PTPN6: variants seen among roughly 807,000 people sequenced by gnomAD.
PTPN6 encodes tyrosine-protein phosphatase non-receptor type 6.
Under a neutral mutation model 81.5 loss-of-function variants are expected in PTPN6, and 18 were observed. The observed-to-expected ratio is 0.22, with a 90% CI of 0.15 to 0.33. The LOEUF is 0.33. PTPN6 is among the 10% of genes least tolerant of loss of function. PTPN6 has a pLI of 1.00. For synonymous variants in PTPN6, 301 were observed against 310.9 expected, an observed-to-expected ratio of 0.97 and a Z score of 0.33; for missense variants, 500 against 794.2, an observed-to-expected ratio of 0.63 and a Z score of 4.45.
In PTPN6 at chr12:6,960,346, G is replaced by A. The variant is rs782111333; in HGVS notation, c.1584G>A (p.Ser528=). 16 of 1,612,984 alleles carry A rather than the reference G, an allele frequency of 9.9e-6. No individual in the cohort carries two copies. Among genetic ancestry groups the A allele is most frequent in the East Asian group, 2.2e-5 (1 of 44,862 alleles). The change falls in exon 14 of 16, where the codon TCG becomes TCA. Residue 528 remains serine (S), a splice_region_variant and synonymous_variant. Transcript: ENST00000318974. The surrounding 1 kb of genome is among the most constrained non-coding windows in gnomAD (Gnocchi z 6.1). ...TCCCACTGTCCCTCTGCCCACAGTC[G>A]CAGAAGGGCCAGGAGTCGGAGTACG... The part of the protein sequence containing the change: ...TTKKKLEVLQ[S]QKGQESEYGN...
upstream of PTPN6, chr12:6,951,311 C>T (rs1050108580): frequency 2.3e-5 from 34 of 1,491,158 alleles, 1 homozygote; most frequent in South Asian, 3.5e-4. The surrounding 1 kb of genome is among the most constrained non-coding windows in gnomAD (Gnocchi z 7.2). Flanking sequence ...CCCAAGGGGT[C>T]GGCCGCGCCT....
chr12:6,947,921 G>A (rs77051657), upstream of PTPN6, among the ~76,000 whole-genome samples: 239 of 152,258 alleles, frequency 1.6e-3, 2 homozygotes, highest in African/African-American at 5.6e-3. Context: ...CAGTGTGCCC[G>A]TGGCAGAGGA....
upstream of PTPN6, among the ~76,000 whole-genome samples, chr12:6,947,832 A>G (rs1555147079): frequency 1.3e-5 from 2 of 152,112 alleles, no homozygotes; most frequent in African/African-American, 4.8e-5. Context: ...CATGTGACGT[A>G]GTGATCAAGA....
chr12:6,959,088 C>T lies in PTPN6; in HGVS notation c.1362-839C>T, dbSNP rs918285820. ...TCCTCTTCCCCCAGCAGCTGTTTGTCCTGGGACAGGGCAAGTCGGCTGAAT... is the reference window on the plus strand; with the variant it reads ...TCCTCTTCCCCCAGCAGCTGTTTGTTCTGGGACAGGGCAAGTCGGCTGAAT... On this transcript the variant is annotated intron_variant, in intron 11 of 15. Coordinates refer to ENST00000318974, the MANE Select transcript of PTPN6 (RefSeq NM_002831.6). The surrounding 1 kb of genome is among the most constrained non-coding windows in gnomAD (Gnocchi z 6.6). Among the ~76,000 whole-genome samples, 44 of 152,240 alleles carry T rather than the reference C, an allele frequency of 2.9e-4. 1 individual carries two copies. The highest frequency in any genetic ancestry group is 8.8e-5 in the Non-Finnish European group (6 of 68,044).
intron 11 of PTPN6, among the ~76,000 whole-genome samples, chr12:6,958,906 C>A (rs184341119): frequency 6.6e-6 from 1 of 152,228 alleles, no homozygotes. Context: ...GAGACCCTAT[C>A]GTTGTGGCTG....
rs1945946326 is a variant in PTPN6, at chr12:6,952,519, CTCT to C, written c.326+348_326+350del. On this transcript the variant is annotated intron_variant, in intron 3 of 15. Transcript: ENST00000318974. The surrounding 1 kb of genome is among the most constrained non-coding windows in gnomAD (Gnocchi z 8.1). ...GCAGGCCAGCTCTGTTGTTAGAAAG[CTCT>C]TCTTCCTCTGGAATCGAGCCTGCCT... 1 of 401,622 alleles carries C rather than the reference CTCT, an allele frequency of 2.5e-6. No individual in the cohort carries two copies. Among genetic ancestry groups the C allele is most frequent in the South Asian group, 2.5e-5 (1 of 40,680 alleles). The allele number at this position is 401,622 out of a possible 1,614,324, so 24.9% of individuals were successfully genotyped here.
chr12:6,952,220 C>G lies in PTPN6; in HGVS notation c.326+43C>G. On this transcript the variant is annotated intron_variant, in intron 3 of 15. Transcript: ENST00000318974. This position sits in a 1 kb window ranked among gnomAD's most constrained non-coding sequence, Gnocchi z 8.1. ...CCGCCATTCCCAAGCAGGGATGAGC[C>G]GGCTCCCACCCTGAACAGCCAGGGA... 2.5e-6 allele frequency: 4 copies of G among 1,608,322 alleles called. No homozygotes were observed. Among genetic ancestry groups the G allele is most frequent in the Non-Finnish European group, 3.4e-6 (4 of 1,176,648 alleles).
rs782537372 is a variant in PTPN6, at chr12:6,954,782, T to C, written c.327-23T>C. On this transcript the variant is annotated intron_variant, in intron 3 of 15. Coordinates refer to ENST00000318974, the MANE Select transcript of PTPN6 (RefSeq NM_002831.6). The surrounding 1 kb of genome is among the most constrained non-coding windows in gnomAD (Gnocchi z 5.4). ...CTTCCCCTGTGGCCTGGGTCTTACC[T>C]TCCCTGACGCTGCCTTCTCTAGGTG... 1 of 1,611,016 alleles carries C rather than the reference T, an allele frequency of 6.2e-7. No individual in the cohort carries two copies. The highest frequency in any genetic ancestry group is 8.5e-7 in the Non-Finnish European group (1 of 1,179,462).
Position 6,955,316 on chromosome 12 carries a change from A to G in PTPN6, c.633+49A>G. 1 of 1,610,442 alleles carries G rather than the reference A, an allele frequency of 6.2e-7. No individual in the cohort carries two copies. The highest frequency in any genetic ancestry group is 1.1e-5 in the South Asian group (1 of 90,998). Reference sequence around the variant, plus strand: ...CCCCACTTCCCCTGAGCTGTCCCCCAGATGTGAGCTTCTGGGATCTCTGAG... The same window carrying G: ...CCCCACTTCCCCTGAGCTGTCCCCCGGATGTGAGCTTCTGGGATCTCTGAG... On this transcript the variant is annotated intron_variant, in intron 5 of 15. Coordinates refer to ENST00000318974, the MANE Select transcript of PTPN6 (RefSeq NM_002831.6). This position sits in a 1 kb window ranked among gnomAD's most constrained non-coding sequence, Gnocchi z 7.2.
At position 6,955,349 on chromosome 12, in the gene PTPN6, C is replaced by T; in HGVS notation, c.634-23C>T. 1 of 1,612,830 alleles carries T rather than the reference C, an allele frequency of 6.2e-7. No homozygotes were observed. Among genetic ancestry groups the T allele is most frequent in the Non-Finnish European group, 8.5e-7 (1 of 1,178,812 alleles). ...GCTTCTGGGATCTCTGAGTTGCTGACTTCTCGCTCTTCCCCACCCCAGCCG... is the reference window on the plus strand; with the variant it reads ...GCTTCTGGGATCTCTGAGTTGCTGATTTCTCGCTCTTCCCCACCCCAGCCG... On this transcript the variant is annotated intron_variant, in intron 5 of 15. Coordinates refer to ENST00000318974, the MANE Select transcript of PTPN6 (RefSeq NM_002831.6). The surrounding 1 kb of genome is among the most constrained non-coding windows in gnomAD (Gnocchi z 7.2).
chr12:6,956,486 C>T lies in PTPN6; in HGVS notation c.992C>T (p.Thr331Met), dbSNP rs1946033659. The part of the protein sequence containing the change: ...YIASQGCLEA[T>M]VNDFWQMAWQ... ...GCCAGCCAGGGTTGTCTGGAGGCCA[C>T]GGTCAATGACTTCTGGCAGATGGCG... Residue 331 changes from threonine to methionine, a missense_variant, in exon 9 of 16, where the codon ACG (threonine) becomes ATG (methionine). By Grantham distance (81) the Thr-to-Met change is moderately conservative (BLOSUM62 -1). Coordinates refer to ENST00000318974, the MANE Select transcript of PTPN6 (RefSeq NM_002831.6). This position sits in a 1 kb window ranked among gnomAD's most constrained non-coding sequence, Gnocchi z 4.1. 2 of 1,614,066 alleles carry T rather than the reference C, an allele frequency of 1.2e-6. No individual in the cohort carries two copies. Among genetic ancestry groups the T allele is most frequent in the Non-Finnish European group, 1.7e-6 (2 of 1,180,026 alleles).
Position 6,959,575 on chromosome 12 carries a change from C to T in PTPN6, c.1362-352C>T, listed in dbSNP as rs1591692490. The T allele has an allele frequency of 2.1e-6, 1 of 482,444 alleles. No individual in the cohort carries two copies. The highest frequency in any genetic ancestry group is 3.8e-6 in the Non-Finnish European group (1 of 264,472). 29.9% of individuals were successfully genotyped at this position (482,444 alleles called of 1,614,324 possible). A position where few individuals can be genotyped will look rare whatever the true frequency, so the allele number is the denominator to read the frequency against. ...CTCCTTCAGGGAGAGGCGGGGAGGGCTCAGGGTACCTGGGAGCCGGCAGGA... is the reference window on the plus strand; with the variant it reads ...CTCCTTCAGGGAGAGGCGGGGAGGGTTCAGGGTACCTGGGAGCCGGCAGGA... On this transcript the variant is annotated intron_variant, in intron 11 of 15. Coordinates refer to ENST00000318974, the MANE Select transcript of PTPN6 (RefSeq NM_002831.6). This position sits in a 1 kb window ranked among gnomAD's most constrained non-coding sequence, Gnocchi z 6.6.
Position 6,951,787 on chromosome 12 carries a change from G to C in PTPN6, c.131+56G>C, listed in dbSNP as rs1419904955. The C allele has an allele frequency of 6.2e-7, 1 of 1,603,752 alleles. No individual in the cohort carries two copies. Among genetic ancestry groups the C allele is most frequent in the Non-Finnish European group, 8.5e-7 (1 of 1,179,776 alleles). Reference sequence around the variant, plus strand: ...TTGGCCACTCTCTTGTGCCATCCAGGCCCTGAACCACTCATTCCTGGTTCC... The same window carrying C: ...TTGGCCACTCTCTTGTGCCATCCAGCCCCTGAACCACTCATTCCTGGTTCC... On this transcript the variant is annotated intron_variant, in intron 2 of 15. Coordinates refer to ENST00000318974, the MANE Select transcript of PTPN6 (RefSeq NM_002831.6). This position sits in a 1 kb window ranked among gnomAD's most constrained non-coding sequence, Gnocchi z 7.2.
chr12:6,956,181 A>G lies in PTPN6; in HGVS notation c.884A>G (p.Asn295Ser). 6.2e-7 allele frequency: 1 copy of G among 1,614,188 alleles called. No individual in the cohort carries two copies. The highest frequency in any genetic ancestry group is 8.5e-7 in the Non-Finnish European group (1 of 1,180,024). The change falls in exon 8 of 16, where the codon AAC (asparagine) becomes AGC (serine). Residue 295 changes from asparagine to serine, a missense_variant. Around this residue, in one of 6 missense-constraint regions of PTPN6, gnomAD observed 226 missense variants for 364.4 expected, o/e 0.62. Transcript: ENST00000318974. This position sits in a 1 kb window ranked among gnomAD's most constrained non-coding sequence, Gnocchi z 4.1. ...SRVILQGRDS[N>S]IPGSDYINAN... Reference sequence around the variant, plus strand: ...GTGATCCTGCAGGGACGGGACAGTAACATCCCCGGGTCCGACTACATCAAT... The same window carrying G: ...GTGATCCTGCAGGGACGGGACAGTAGCATCCCCGGGTCCGACTACATCAAT...
Position 6,960,272 on chromosome 12 carries a change from G to GT in PTPN6, c.1581+33_1581+34insT. The GT allele has an allele frequency of 3.1e-6, 5 of 1,599,744 alleles. No individual in the cohort carries two copies. The highest frequency in any genetic ancestry group is 1.4e-5 in the African/African-American group (1 of 73,792). Reference sequence around the variant, plus strand: ...CAGAGCAGGGCCTGGGGGGGGGGGGGGCTGCAGTGCAGGATGGGTGCCACC... The same window carrying GT: ...CAGAGCAGGGCCTGGGGGGGGGGGGGTGCTGCAGTGCAGGATGGGTGCCACC... On this transcript the variant is annotated intron_variant, in intron 13 of 15. Coordinates refer to ENST00000318974, the MANE Select transcript of PTPN6 (RefSeq NM_002831.6). This position sits in a 1 kb window ranked among gnomAD's most constrained non-coding sequence, Gnocchi z 6.1.
rs1452466761 is a variant in PTPN6 at position 6,954,194 on chromosome 12, G to A, written c.327-611G>A. Among the ~76,000 whole-genome samples the A allele has an allele frequency of 2.0e-5, 3 of 152,144 alleles. No individual in the cohort carries two copies. Among genetic ancestry groups the A allele is most frequent in the African/African-American group, 7.2e-5 (3 of 41,428 alleles). ...CCTACACCACTCTTTCCCCAGTGGG[G>A]TTGTCTTCCCCGCCTCCCTGGCGGA... On this transcript the variant is annotated intron_variant, in intron 3 of 15. Transcript: ENST00000318974. The surrounding 1 kb of genome is among the most constrained non-coding windows in gnomAD (Gnocchi z 5.4).
In PTPN6 at chr12:6,957,691, A is replaced by G; in HGVS notation, c.1112A>G (p.Gln371Arg). The stretch of plus-strand genomic sequence containing the variant: ...CCATACTGGCCCGAGGTGGGCATGC[A>G]GCGTGCTTATGGGCCCTACTCTGTG... The part of the protein sequence containing the change: ...CVPYWPEVGM[Q>R]RAYGPYSVTN... The change falls in exon 10 of 16, where the codon CAG (glutamine) becomes CGG (arginine). Residue 371 changes from glutamine (Q) to arginine (R), a missense_variant. Gln to Arg is a conservative substitution (Grantham distance 43, BLOSUM62 1). Coordinates refer to ENST00000318974, the MANE Select transcript of PTPN6 (RefSeq NM_002831.6). The surrounding 1 kb of genome is among the most constrained non-coding windows in gnomAD (Gnocchi z 6.5). 1 of 1,577,722 alleles carries G rather than the reference A, an allele frequency of 6.3e-7. No homozygotes were observed. The highest frequency in any genetic ancestry group is 8.6e-7 in the Non-Finnish European group (1 of 1,158,412).
upstream of PTPN6, among the ~76,000 whole-genome samples, chr12:6,947,438 G>A (rs1257480037): frequency 2.6e-5 from 4 of 152,082 alleles, no homozygotes; most frequent in Non-Finnish European, 4.4e-5. Flanking sequence ...GGGAGGCTGA[G>A]GCGAGAGGAT....
chr12:6,947,830 G>T (rs189825362), upstream of PTPN6, among the ~76,000 whole-genome samples: 3 of 152,242 alleles, frequency 2.0e-5, no homozygotes, highest in African/African-American at 7.2e-5. Context: ...GCCATGTGAC[G>T]TAGTGATCAA....
Sources: allele counts gnomAD v4.1 joint callset (sites outside exome capture counted in the v4.1 genomes callset), GRCh38; gene constraint gnomAD v4.1.1; regional missense constraint gnomAD v4.1.1; non-coding constraint Gnocchi (gnomAD v3.1); transcripts MANE v1.5; gene names NCBI Gene and HGNC (gene_info 2026-07-23, HGNC 2026-07-21).